AFF1: variants seen among roughly 807,000 people sequenced by gnomAD.
AFF1 encodes ALF transcription elongation factor 1.
In AFF1, 48 loss-of-function variants were observed where a neutral mutation model predicts 121.7. The observed-to-expected ratio is 0.39, with a 90% confidence interval of 0.31 to 0.50. AFF1 has a LOEUF of 0.50. Among genes scored for constraint, AFF1 ranks in the 20% least tolerant of loss-of-function variants. The pLI, the probability that AFF1 is intolerant of heterozygous loss-of-function variation, is 0.76. For synonymous variants in AFF1, 613 were observed against 563.0 expected (o/e 1.09, Z -1.26); for missense variants, 1,523 against 1,511.7 (o/e 1.01, Z -0.12).
In AFF1 at chr4:87,103,240, C is replaced by A. The variant is rs1725603857; in HGVS notation, c.1284-2388C>A. 2.0e-5 allele frequency among the ~76,000 whole-genome samples: 3 copies of A among 152,074 alleles called. No individual in the cohort carries two copies. The South Asian group carries it at 6.2e-4, about 31-fold the overall frequency. ...AGCATGCTAGTTTACGTTGAGATAC[C>A]CACCTCTGGTGATACAGTAAATCAG... On this transcript the variant is annotated intron_variant, in intron 8 of 20. Coordinates refer to ENST00000395146, the MANE Select transcript of AFF1 (RefSeq NM_001166693.3).
rs1298387285 is a variant in AFF1, at chr4:87,139,568, G to C, written c.*3867G>C. 4.3e-6 allele frequency: 1 copy of C among 230,548 alleles called. No individual in the cohort carries two copies. The highest frequency in any genetic ancestry group is 8.6e-6 in the Non-Finnish European group (1 of 116,284). The allele number at this position is 230,548 out of a possible 1,614,324, so 14.3% of individuals were successfully genotyped here. On this transcript the variant is annotated 3_prime_UTR_variant, in exon 21 of 21. Transcript: ENST00000395146. ...AGATTTTTCTCACTGAAAAGTGAGA[G>C]TTACGCATTGCAGCCATGAAGGGAT...
chr4:86,965,160 C>T (rs975672291), intron 2 of AFF1, among the ~76,000 whole-genome samples: 6 of 152,198 alleles, frequency 3.9e-5, no homozygotes, highest in African/African-American at 9.7e-5. Flanking sequence ...AAGACAATTA[C>T]GCATTGTTGA....
Position 87,134,321 on chromosome 4 carries a change from T to C in AFF1, c.3312-150T>C, listed in dbSNP as rs115099181. The C allele has an allele frequency of 4.3e-3, 3,156 of 727,448 alleles. 13 individuals carry two copies. The highest frequency in any genetic ancestry group is 6.7e-3 in the Middle Eastern group (16 of 2,402). The allele number at this position is 727,448 out of a possible 1,614,324, so 45.1% of individuals were successfully genotyped here. On this transcript the variant is annotated intron_variant, in intron 19 of 20. Transcript: ENST00000395146. ...AGCCCAGCAGGGTGTCTCGTTGACC[T>C]TGTAGGAGTGACTTTAGCAGTGGTT... is the stretch of plus-strand genomic sequence containing the variant.
intron 2 of AFF1, among the ~76,000 whole-genome samples, chr4:86,980,042 G>A (rs1219022525): frequency 6.6e-6 from 1 of 152,032 alleles, no homozygotes; most frequent in African/African-American, 2.4e-5. Flanking sequence ...TGCCGAGTAG[G>A]TGGGACTACA....
rs528647779 is a variant in AFF1, at chr4:87,139,652, T to C, written c.*3951T>C. 2.1e-4 allele frequency: 49 copies of C among 229,422 alleles called. No individual in the cohort carries two copies. In the East Asian group the frequency reaches 2.8e-3, roughly 13 times the overall value. 14.2% of individuals were successfully genotyped at this position (229,422 alleles called of 1,614,324 possible). A position where few individuals can be genotyped will look rare whatever the true frequency, so the allele number is the denominator to read the frequency against. ...CTCCTGTTCTTGAGCCAGTTGTCTC[T>C]TTTGTTTTGGGTCCCACTTAGGATT... On this transcript the variant is annotated 3_prime_UTR_variant, in exon 21 of 21. Coordinates refer to ENST00000395146, the MANE Select transcript of AFF1 (RefSeq NM_001166693.3).
At chr4:86,998,282 T>C (rs1485415602) in intron 2 of AFF1, among the ~76,000 whole-genome samples, 1 of 152,132 alleles carries the variant, frequency 6.6e-6, no homozygotes, top group African/African-American at 2.4e-5. Context: ...CAGATGTCCC[T>C]GGAGACATGC....
chr4:87,013,333 T>C (rs543199845), intron 2 of AFF1, among the ~76,000 whole-genome samples: 1 of 152,188 alleles, frequency 6.6e-6, no homozygotes, highest in East Asian at 1.9e-4. Context: ...AGCCACCCTG[T>C]CCGGCTGAAC....
intron 8 of AFF1, among the ~76,000 whole-genome samples, chr4:87,099,481 T>C (rs1388026522): frequency 1.3e-5 from 2 of 152,184 alleles, no homozygotes; most frequent in Non-Finnish European, 2.9e-5. Context: ...GTGACCTCGG[T>C]TACTGCAACC....
At chr4:87,079,344 TG>T (rs1209582282) in intron 4 of AFF1, among the ~76,000 whole-genome samples, 2 of 152,264 alleles carry the variant, frequency 1.3e-5, no homozygotes, top group Non-Finnish European at 2.9e-5. Context: ...TATTTTATTT[TG>T]GTATCAGTGC....
At chr4:87,105,510 G>T (rs1725821932) in intron 8 of AFF1, 118 bp from the exon 9 acceptor site, 3 of 1,113,188 alleles carry the variant, frequency 2.7e-6, no homozygotes, top group East Asian at 2.4e-5. Context: ...AATAAATAAA[G>T]AAAACTTACA....
chr4:87,116,701 T>G (rs139538600), intron 12 of AFF1, among the ~76,000 whole-genome samples: 16 of 152,356 alleles, frequency 1.1e-4, no homozygotes, highest in East Asian at 5.8e-4. Flanking sequence ...GGATGTGTAT[T>G]GCCGCCATGT....
intron 2 of AFF1, among the ~76,000 whole-genome samples, chr4:87,021,846 A>G (rs1560546240): frequency 6.6e-6 from 1 of 152,234 alleles, no homozygotes; most frequent in Non-Finnish European, 1.5e-5. Flanking sequence ...TTAGACTGTT[A>G]TGATTTTTGA....
intron 17 of AFF1, 117 bp downstream of exon 17, chr4:87,131,336 G>C: frequency 1.5e-6 from 2 of 1,359,754 alleles, no homozygotes; most frequent in Non-Finnish European, 1.0e-6. Context: ...CCTTAAAAAA[G>C]TTATTGGTCT....
At position 86,984,339 on chromosome 4, in the gene AFF1, T is replaced by C. The variant is rs1223323309; in HGVS notation, c.38+35768T>C. Reference sequence around the variant, plus strand: ...AAGTGACATTTTTTTTTCTTTTTTTTTTTTTTGTGACTGAGTCTTGCTCTG... The same window carrying C: ...AAGTGACATTTTTTTTTCTTTTTTTCTTTTTTGTGACTGAGTCTTGCTCTG... On this transcript the variant is annotated intron_variant, in intron 2 of 20. Coordinates refer to ENST00000395146, the MANE Select transcript of AFF1 (RefSeq NM_001166693.3). Among the ~76,000 whole-genome samples, 4 of 151,306 alleles carry C rather than the reference T, an allele frequency of 2.6e-5. No homozygotes were observed. The South Asian group carries it at 8.4e-4, about 32-fold the overall frequency.
At chr4:87,127,166 T>TAC in intron 15 of AFF1, 49 bp downstream of exon 15, 1 of 1,084,622 alleles carries the variant, frequency 9.2e-7, no homozygotes, top group Non-Finnish European at 1.3e-6. Context: ...TTGTTTTGCT[T>TAC]CCCCCCCCCA....
At chr4:87,132,854 C>T (rs1357906751) in intron 19 of AFF1, among the ~76,000 whole-genome samples, 1 of 152,214 alleles carries the variant, frequency 6.6e-6, no homozygotes, top group Admixed American at 6.5e-5. Context: ...CCACCATGCC[C>T]AGCTAATTTT....
At chr4:87,133,924 C>T (rs1256197379) in intron 19 of AFF1, among the ~76,000 whole-genome samples, 2 of 152,194 alleles carry the variant, frequency 1.3e-5, no homozygotes, top group East Asian at 3.8e-4. Flanking sequence ...AAGTATTTAT[C>T]AGGAGCCTAC....
intron 2 of AFF1, among the ~76,000 whole-genome samples, chr4:87,040,777 T>G (rs1268893842): frequency 6.6e-6 from 1 of 150,418 alleles, no homozygotes; most frequent in Non-Finnish European, 1.5e-5. Flanking sequence ...TTCACTATGT[T>G]GGCCAGGCTG....
At chr4:86,960,558 T>A (rs1206690079) in intron 2 of AFF1, among the ~76,000 whole-genome samples, 1 of 152,240 alleles carries the variant, frequency 6.6e-6, no homozygotes, top group Non-Finnish European at 1.5e-5. Flanking sequence ...TATTTCTTTA[T>A]ATTTGTGTAG....
Sources: allele counts gnomAD v4.1 joint callset (sites outside exome capture counted in the v4.1 genomes callset), GRCh38; gene constraint gnomAD v4.1.1; transcripts MANE v1.5; gene names NCBI Gene and HGNC (gene_info 2026-07-23, HGNC 2026-07-21).